The following SIPA1L1 variants were observed in gnomAD, a reference collection of about 807,000 sequenced individuals.
The protein encoded by SIPA1L1 is signal induced proliferation associated 1 like 1.
A neutral mutation model predicts 162.7 loss-of-function variants in SIPA1L1; 26 were observed. The ratio of observed to expected loss-of-function variants is 0.16; its 90% CI spans 0.12 to 0.22. SIPA1L1 has a LOEUF of 0.22. SIPA1L1 is among the 10% of genes least tolerant of loss of function. The pLI, the probability that SIPA1L1 is intolerant of heterozygous loss-of-function variation, is 1.00. For missense variants in SIPA1L1, 1,874 were observed against 2,241.0 expected, an observed-to-expected ratio of 0.84 and a Z score of 3.31; for synonymous variants, 829 against 837.4, an observed-to-expected ratio of 0.99 and a Z score of 0.17.
chr14:71,554,797 C>A (rs374275634), intron 4 of SIPA1L1, among the ~76,000 whole-genome samples: 1 of 152,040 alleles, frequency 6.6e-6, no homozygotes, highest in African/African-American at 2.4e-5. Flanking sequence ...TTTATAGCTC[C>A]TTGCTATCCT....
chr14:71,344,058 AT>A (rs1486806908), intron 2 of SIPA1L1, among the ~76,000 whole-genome samples: 1 of 152,170 alleles, frequency 6.6e-6, no homozygotes, highest in South Asian at 2.1e-4. Flanking sequence ...AGGAAAAAAC[AT>A]TTTTTTTGAA....
intron 2 of SIPA1L1, chr14:71,330,449 C>T (rs2034391549): frequency 3.1e-6 from 5 of 1,594,522 alleles, no homozygotes; most frequent in African/African-American, 1.3e-5. Context: ...TGCTCAATAT[C>T]TTGGAAATCC....
intron 4 of SIPA1L1, among the ~76,000 whole-genome samples, chr14:71,584,683 A>G (rs1003846407): frequency 6.6e-6 from 1 of 152,242 alleles, no homozygotes; most frequent in Non-Finnish European, 1.5e-5. Flanking sequence ...AATTGAACTC[A>G]TTGAACTAAA....
At chr14:71,646,852 A>G (rs2042215443) in intron 7 of SIPA1L1, among the ~76,000 whole-genome samples, 1 of 152,218 alleles carries the variant, frequency 6.6e-6, no homozygotes, top group Non-Finnish European at 1.5e-5. Flanking sequence ...AAAGTATTGT[A>G]TATGTAGATC....
At chr14:71,625,360 C>T (rs900493885) in intron 7 of SIPA1L1, among the ~76,000 whole-genome samples, 12 of 150,574 alleles carry the variant, frequency 8.0e-5, no homozygotes, top group Non-Finnish European at 1.6e-4. Context: ...AGTGCAGTGG[C>T]GCAATCTCAG....
At chr14:71,572,959 A>T (rs1034902133) in intron 4 of SIPA1L1, among the ~76,000 whole-genome samples, 1 of 152,224 alleles carries the variant, frequency 6.6e-6, no homozygotes, top group Non-Finnish European at 1.5e-5. Context: ...GAGACACTTA[A>T]TGGAAGCATG....
chr14:71,584,774 T>G (rs1340999712), intron 4 of SIPA1L1, among the ~76,000 whole-genome samples: 1 of 152,234 alleles, frequency 6.6e-6, no homozygotes, highest in Non-Finnish European at 1.5e-5. Context: ...GCTGTAAAAT[T>G]AAACATGTAA....
At chr14:71,439,513 C>T (rs1025546688) in intron 2 of SIPA1L1, among the ~76,000 whole-genome samples, 13 of 152,188 alleles carry the variant, frequency 8.5e-5, no homozygotes, top group African/African-American at 3.1e-4. Context: ...AACTTAAAAC[C>T]CTCTACCATA....
At chr14:71,345,001 T>C (rs1403673148) in intron 2 of SIPA1L1, among the ~76,000 whole-genome samples, 1 of 152,192 alleles carries the variant, frequency 6.6e-6, no homozygotes, top group Admixed American at 6.5e-5. Context: ...ACAGGAAAAT[T>C]CCATCTCATC....
intron 2 of SIPA1L1, among the ~76,000 whole-genome samples, chr14:71,462,418 A>G (rs1252925393): frequency 6.6e-6 from 1 of 152,120 alleles, no homozygotes; most frequent in East Asian, 1.9e-4. Context: ...TCTGGACCCC[A>G]CTCAAAACTG....
At chr14:71,547,061 G>A (rs1307298958) in intron 4 of SIPA1L1, among the ~76,000 whole-genome samples, 1 of 151,560 alleles carries the variant, frequency 6.6e-6, no homozygotes, top group East Asian at 1.9e-4. Context: ...TTATTGCCTT[G>A]TACCCTATGT....
At chr14:71,685,269 T>G in intron 12 of SIPA1L1, 93 bp from the exon 13 acceptor site, 1 of 1,349,470 alleles carries the variant, frequency 7.4e-7, no homozygotes, top group Non-Finnish European at 1.0e-6. Context: ...AAATTGTGGA[T>G]CCATTTTTAA....
rs1258344396 is a variant in SIPA1L1 at position 71,739,268 on chromosome 14, T to C, written c.*107T>C. On this transcript the variant is annotated 3_prime_UTR_variant, in exon 24 of 24. Transcript: ENST00000381232. ...CATCCTCAGAGCACCTTCCCTGGCT[T>C]CCTACTCTGCCCCCTTTCGGGGAGT... is the stretch of plus-strand genomic sequence containing the variant. The C allele has an allele frequency of 1.8e-6, 2 of 1,113,624 alleles. No individual in the cohort carries two copies. The highest frequency in any genetic ancestry group is 5.5e-5 in the Admixed American group (2 of 36,148). The allele number at this position is 1,113,624 out of a possible 1,614,324, so 69.0% of individuals were successfully genotyped here. A position where few individuals can be genotyped will look rare whatever the true frequency, so the allele number is the denominator to read the frequency against.
At chr14:71,682,116 T>C (rs1041194147) in intron 12 of SIPA1L1, among the ~76,000 whole-genome samples, 1 of 152,234 alleles carries the variant, frequency 6.6e-6, no homozygotes, top group Non-Finnish European at 1.5e-5. Flanking sequence ...ACCTGCTGGC[T>C]GTGTAAACTT....
At chr14:71,453,246 T>G (rs2045949754) in intron 2 of SIPA1L1, among the ~76,000 whole-genome samples, 1 of 152,148 alleles carries the variant, frequency 6.6e-6, no homozygotes, top group African/African-American at 2.4e-5. Flanking sequence ...TAACTTTGGT[T>G]TTAGCTTTTT....
chr14:71,657,087 C>T (rs892518118), intron 8 of SIPA1L1, among the ~76,000 whole-genome samples: 2 of 152,122 alleles, frequency 1.3e-5, no homozygotes, highest in African/African-American at 2.4e-5. Flanking sequence ...TGTTGGGTCA[C>T]GCCTGTAATC....
chr14:71,402,284 G>T (rs544799065), intron 2 of SIPA1L1, among the ~76,000 whole-genome samples: 5 of 152,038 alleles, frequency 3.3e-5, no homozygotes, highest in Non-Finnish European at 5.9e-5. Context: ...AAAAGGCAAG[G>T]ATTTGGAATA....
At chr14:71,668,999 T>G (rs2044272724) in intron 10 of SIPA1L1, among the ~76,000 whole-genome samples, 1 of 152,242 alleles carries the variant, frequency 6.6e-6, no homozygotes, top group Non-Finnish European at 1.5e-5. Context: ...GTTCAGAATT[T>G]GTGGCATCTA....
At position 71,730,058 on chromosome 14, in the gene SIPA1L1, C is replaced by G; in HGVS notation, c.4618C>G (p.His1540Asp). The change falls in exon 20 of 24, where the codon CAC (histidine) becomes GAC (aspartate). Residue 1540 changes from histidine (H) to aspartate (D), a missense_variant. Physicochemically the swap from His to Asp is moderately conservative, Grantham distance 81 (BLOSUM62 -1). This residue lies in a region of SIPA1L1 where 936 missense variants were observed against 1,051.9 expected (regional missense o/e 0.89). Transcript: ENST00000381232. ...TTGTCTTGATCCTGTTTTTCAGTTC[C>G]ACGCACTCTCCTCTCCTCAGTCTCC... ...TPESQKSFKF[H>D]ALSSPQSPFP... The G allele has an allele frequency of 6.2e-7, 1 of 1,613,178 alleles. No homozygotes were observed.
Sources: gnomAD v4.1 joint callset for allele counts (sites outside exome capture counted in the v4.1 genomes callset) on GRCh38, gnomAD v4.1.1 for gene constraint, gnomAD v4.1.1 regional missense constraint, MANE v1.5 for transcripts, NCBI Gene and HGNC (gene_info 2026-07-23, HGNC 2026-07-21) for gene names.